RANBP3: variants seen among roughly 807,000 people sequenced by gnomAD.
The protein encoded by RANBP3 is RAN binding protein 3.
In RANBP3, 14 loss-of-function variants were observed where a neutral mutation model predicts 77.3. That is an observed-to-expected ratio of 0.18 (90% CI 0.12 to 0.28). The LOEUF (loss-of-function observed/expected upper bound fraction) is 0.28, where lower values mean the gene tolerates loss of function less well. RANBP3 is among the 10% of genes least tolerant of loss of function. The probability of loss-of-function intolerance (pLI) is 1.00; values close to 1 mark genes in which losing one functional copy is unlikely to be tolerated. For synonymous variants in RANBP3, 315 were observed against 312.4 expected (o/e 1.01, Z -0.09); for missense variants, 586 against 752.3 (o/e 0.78, Z 2.59).
At position 5,933,328 on chromosome 19, in the gene RANBP3, G is replaced by A. The variant is rs552152409; in HGVS notation, c.472+86C>T. On this transcript the variant is annotated intron_variant, in intron 6 of 16. Transcript: ENST00000340578. ...AAGTGATCTTTCTAGAAAGCAGGCTGAGCCCGCGGTGCCCTGGTGTGGCCT... is the reference window on the plus strand; with the variant it reads ...AAGTGATCTTTCTAGAAAGCAGGCTAAGCCCGCGGTGCCCTGGTGTGGCCT... 7.4e-6 allele frequency: 8 copies of A among 1,085,892 alleles called. No individual in the cohort carries two copies. The African/African-American group carries it at 1.1e-4, about 15-fold the overall frequency. 67.3% of individuals were successfully genotyped at this position (1,085,892 alleles called of 1,614,324 possible). A position where few individuals can be genotyped will look rare whatever the true frequency, so the allele number is the denominator to read the frequency against.
chr19:5,941,496 G>T, intron 5 of RANBP3, 125 bp downstream of exon 5: 1 of 834,000 alleles, frequency 1.2e-6, no homozygotes, highest in Non-Finnish European at 1.9e-6. Context: ...CAGAGCCCGA[G>T]CCTCAGATCG....
At chr19:5,926,794 T>C (rs565896595) in intron 9 of RANBP3, among the ~76,000 whole-genome samples, 4 of 152,252 alleles carry the variant, frequency 2.6e-5, no homozygotes, top group African/African-American at 9.6e-5. Flanking sequence ...GACTCATTAT[T>C]TTGCCTAAAG....
At chr19:5,951,120 C>T (rs1278107562) in intron 3 of RANBP3, among the ~76,000 whole-genome samples, 1 of 152,146 alleles carries the variant, frequency 6.6e-6, no homozygotes. Context: ...TCCTCCTGAC[C>T]CCTCGTGTCT....
chr19:5,923,805 A>G lies in RANBP3; in HGVS notation c.1099+7T>C. 1 of 1,602,706 alleles carries G rather than the reference A, an allele frequency of 6.2e-7. No homozygotes were observed. The highest frequency in any genetic ancestry group is 8.5e-7 in the Non-Finnish European group (1 of 1,169,712). On this transcript the variant is annotated splice_region_variant and intron_variant, in intron 12 of 16. Transcript: ENST00000340578. ...GAGCCCCATGCTGTGGTGGGACGCTAACATACCTTTCTCAGGGGTGGCCTC... is the reference window on the plus strand; with the variant it reads ...GAGCCCCATGCTGTGGTGGGACGCTGACATACCTTTCTCAGGGGTGGCCTC...
At position 5,933,430 on chromosome 19, in the gene RANBP3, G is replaced by A; in HGVS notation, c.456C>T (p.Gly152=). ...FRLKPPTLIH[G]QAPSAGLPSQ... is the part of the protein sequence containing the mutation. Reference sequence around the variant, plus strand: ...ACGACCTACCTGCGCTGGGGGCTTGGCCGTGGATCAGCGTTGGTGGCTTCA... The same window carrying A: ...ACGACCTACCTGCGCTGGGGGCTTGACCGTGGATCAGCGTTGGTGGCTTCA... Residue 152 remains glycine, a synonymous_variant, in exon 6 of 17, where the codon GGC becomes GGT. Transcript: ENST00000340578. 1 of 1,613,234 alleles carries A rather than the reference G, an allele frequency of 6.2e-7. No homozygotes were observed. The highest frequency in any genetic ancestry group is 1.3e-5 in the African/African-American group (1 of 75,038).
Position 5,924,692 on chromosome 19 carries a change from C to A in RANBP3, c.996+135G>T. ...AGGCTGAGTCTGAGCAGGGTCTTCCCTCTCTCACTTGCTACTGAAGGCATC... is the reference window on the plus strand; with the variant it reads ...AGGCTGAGTCTGAGCAGGGTCTTCCATCTCTCACTTGCTACTGAAGGCATC... On this transcript the variant is annotated intron_variant, in intron 11 of 16. Coordinates refer to ENST00000340578, the MANE Select transcript of RANBP3 (RefSeq NM_007322.3). The surrounding 1 kb of genome is among the most constrained non-coding windows in gnomAD (Gnocchi z 4.7). 1.1e-6 allele frequency: 1 copy of A among 897,446 alleles called. No homozygotes were observed. The highest frequency in any genetic ancestry group is 1.8e-6 in the Non-Finnish European group (1 of 550,598). The allele number at this position is 897,446 out of a possible 1,614,324, so 55.6% of individuals were successfully genotyped here. A position where few individuals can be genotyped will look rare whatever the true frequency, so the allele number is the denominator to read the frequency against.
At chr19:5,957,281 T>C (rs930819762) in intron 2 of RANBP3, among the ~76,000 whole-genome samples, 9 of 152,268 alleles carry the variant, frequency 5.9e-5, no homozygotes, top group Middle Eastern at 3.4e-3. Flanking sequence ...CAGAACCCTG[T>C]TGCCACACCA....
At chr19:5,934,296 C>G (rs1422186769) in intron 5 of RANBP3, 1 of 152,210 alleles carries the variant, frequency 6.6e-6, no homozygotes, top group Non-Finnish European at 1.5e-5. Flanking sequence ...CTCAGGCAGG[C>G]AAGCCTGTTC....
chr19:5,964,750 T>A (rs1304071168), intron 1 of RANBP3, among the ~76,000 whole-genome samples: 1 of 151,008 alleles, frequency 6.6e-6, no homozygotes, highest in Non-Finnish European at 1.5e-5. Context: ...GGGTGGCACA[T>A]GCAGTGGGCC....
intron 8 of RANBP3, among the ~76,000 whole-genome samples, chr19:5,929,539 T>A (rs1157087322): frequency 6.6e-6 from 1 of 152,212 alleles, no homozygotes; most frequent in Non-Finnish European, 1.5e-5. Context: ...CTTAAACTGA[T>A]AAACGAATCC....
At chr19:5,928,517 G>C (rs1353958271) in intron 8 of RANBP3, 1 of 155,222 alleles carries the variant, frequency 6.4e-6, no homozygotes, top group African/African-American at 2.4e-5. Context: ...GATCAGAGAA[G>C]AGAGCAGCTT....
Position 5,935,796 on chromosome 19 carries a change from G to A in RANBP3, c.407-2317C>T, listed in dbSNP as rs143858315. ...GTCCCTGTCACAGGCCCTGCTCCAC[G>A]AAAACAAGGGTGGTCTCTTCTCATT... On this transcript the variant is annotated intron_variant, in intron 5 of 16. Transcript: ENST00000340578. 64 of 456,738 alleles carry A rather than the reference G, an allele frequency of 1.4e-4. 1 individual carries two copies. Among genetic ancestry groups the A allele is most frequent in the African/African-American group, 1.2e-3 (59 of 50,220 alleles). The allele number at this position is 456,738 out of a possible 1,614,324, so 28.3% of individuals were successfully genotyped here. A position where few individuals can be genotyped will look rare whatever the true frequency, so the allele number is the denominator to read the frequency against.
chr19:5,935,985 G>GC (rs1568458003), intron 5 of RANBP3: 2 of 327,574 alleles, frequency 6.1e-6, no homozygotes, highest in Admixed American at 3.6e-5. Flanking sequence ...GACCCCTCCC[G>GC]CCGGCAGCCT....
At position 5,966,798 on chromosome 19, in the gene RANBP3, A is replaced by T. The variant is rs75193827; in HGVS notation, c.23-8825T>A. Among the ~76,000 whole-genome samples the T allele has an allele frequency of 2.4e-3, 368 of 152,364 alleles. 19 individuals carry two copies. In the East Asian group the frequency reaches 0.061, roughly 25 times the overall value. ...CAATACCTGCCAAGAAAATGCCCTC[A>T]TCTAGAAAGCAATTGAGAACTCCTG... On this transcript the variant is annotated intron_variant, in intron 1 of 16. Transcript: ENST00000340578.
chr19:5,935,288 G>A (rs2145103626), intron 5 of RANBP3, among the ~76,000 whole-genome samples: 1 of 152,288 alleles, frequency 6.6e-6, no homozygotes, highest in East Asian at 1.9e-4. Context: ...AGCCCCAGGG[G>A]CTTCTGGCAG....
chr19:5,968,009 T>G (rs481969), intron 1 of RANBP3, among the ~76,000 whole-genome samples: 2,476 of 151,950 alleles, frequency 0.016, 45 homozygotes, highest in African/African-American at 0.055. Context: ...AGAGTGAGAC[T>G]CTGTCTCCAA....
chr19:5,946,727 T>C (rs2058209874), intron 3 of RANBP3, among the ~76,000 whole-genome samples: 2 of 152,220 alleles, frequency 1.3e-5, no homozygotes, highest in Admixed American at 1.3e-4. Flanking sequence ...CAGGAGACGT[T>C]GGAACTTGCT....
Position 5,923,247 on chromosome 19 carries a change from A to G in RANBP3, c.1156T>C (p.Leu386=). The part of the protein sequence containing the change: ...YTKATARKCL[L]EKVEVITGEE... ...CCGGTGATGACTTCCACTTTTTCCAACAAACACTTCCGCGCTGTTGCCTTG... is the reference window on the plus strand; with the variant it reads ...CCGGTGATGACTTCCACTTTTTCCAGCAAACACTTCCGCGCTGTTGCCTTG... Residue 386 remains leucine (L), a synonymous_variant, in exon 13 of 17, where the codon TTG becomes CTG. Transcript: ENST00000340578. 1.2e-6 allele frequency: 2 copies of G among 1,614,158 alleles called. No individual in the cohort carries two copies. The highest frequency in any genetic ancestry group is 1.7e-6 in the Non-Finnish European group (2 of 1,180,020).
chr19:5,921,816 A>G lies in RANBP3; in HGVS notation c.1210-495T>C. ...CCATCATTCACGGTAGCCAAGTCTC[A>G]AGGAGGAATGGAGTGACACACATGG... is the stretch of plus-strand genomic sequence containing the variant. On this transcript the variant is annotated intron_variant, in intron 13 of 16. Transcript: ENST00000340578. This position sits in a 1 kb window ranked among gnomAD's most constrained non-coding sequence, Gnocchi z 5.3. Among the ~76,000 whole-genome samples, 1 of 152,242 alleles carries G rather than the reference A, an allele frequency of 6.6e-6. No homozygotes were observed. Among genetic ancestry groups the G allele is most frequent in the East Asian group, 1.9e-4 (1 of 5,204 alleles).
Sources: allele counts gnomAD v4.1 joint callset (sites outside exome capture counted in the v4.1 genomes callset), GRCh38; gene constraint gnomAD v4.1.1; non-coding constraint Gnocchi (gnomAD v3.1); transcripts MANE v1.5; gene names NCBI Gene and HGNC (gene_info 2026-07-23, HGNC 2026-07-21).